The following CENATAC variants were observed in gnomAD, a reference collection of about 807,000 sequenced individuals.
CENATAC encodes centrosomal AT-AC splicing factor, also known as coiled-coil domain containing 84.
A neutral mutation model predicts 53.7 loss-of-function variants in CENATAC; 53 were observed. The observed-to-expected ratio is 0.99, with a 90% CI of 0.79 to 1.24. The LOEUF is 1.24. Ranked by LOEUF, CENATAC falls within the 50% of genes most tolerant of loss-of-function variation. The probability of loss-of-function intolerance (pLI) is 0.00; values close to 1 mark genes in which losing one functional copy is unlikely to be tolerated. For missense variants in CENATAC, 474 were observed against 417.8 expected, an observed-to-expected ratio of 1.13 and a Z score of -1.17; for synonymous variants, 156 against 144.6, an observed-to-expected ratio of 1.08 and a Z score of -0.57.
At chr11:119,007,067 C>T (rs949539223) in intron 3 of CENATAC, among the ~76,000 whole-genome samples, 4 of 152,208 alleles carry the variant, frequency 2.6e-5, no homozygotes, top group Non-Finnish European at 4.4e-5. Flanking sequence ...GACTAAGACA[C>T]CCTGTCAACA....
chr11:119,003,067 C>T (rs375395661), intron 3 of CENATAC: 11 of 526,672 alleles, frequency 2.1e-5, no homozygotes, highest in Admixed American at 5.8e-5. Flanking sequence ...AGGAGCCAGT[C>T]GAACATGTTC....
chr11:119,013,660 T>C (rs11821562), intron 8 of CENATAC, among the ~76,000 whole-genome samples: 40,518 of 151,598 alleles, frequency 0.27, 5,702 homozygotes, highest in African/African-American at 0.33. Context: ...AGACGGGGTT[T>C]CACCGTTTTA....
rs782664366 is a variant in CENATAC, at chr11:119,002,224, C to CAA, written c.383+3138_383+3139dup. On this transcript the variant is annotated intron_variant, in intron 3 of 10. Coordinates refer to ENST00000334418, the MANE Select transcript of CENATAC (RefSeq NM_198489.3). ...GGGCAACAAGAGCAAAACTCTGTCT[C>CAA]AAAAAAAAAAAAAAAAAAAAAAAAG... Among the ~76,000 whole-genome samples, 427 of 48,062 alleles carry CAA rather than the reference C, an allele frequency of 8.9e-3. 4 individuals are homozygous for CAA. Among genetic ancestry groups the CAA allele is most frequent in the Non-Finnish European group, 0.011 (269 of 25,060 alleles). 31.5% of individuals were successfully genotyped at this position (48,062 alleles called of 152,430 possible). A position where few individuals can be genotyped will look rare whatever the true frequency, so the allele number is the denominator to read the frequency against.
Position 119,011,948 on chromosome 11 carries a change from G to A in CENATAC, c.523G>A (p.Val175Met). Residue 175 changes from valine to methionine, a missense_variant, in exon 6 of 11, where the codon GTG becomes ATG. Coordinates refer to ENST00000334418, the MANE Select transcript of CENATAC (RefSeq NM_198489.3). ...CCTGAATCAAACTCAGCCTCAGGCA[G>A]TGCCAGACCCAGAAGAGGGCTCTTC... Reference protein sequence around the residue: ...VVRSVLEPQAVPDPEEGSSAP... With the variant: ...VVRSVLEPQAMPDPEEGSSAP... The A allele has an allele frequency of 6.2e-7, 1 of 1,614,092 alleles. No individual in the cohort carries two copies. Among genetic ancestry groups the A allele is most frequent in the Non-Finnish European group, 8.5e-7 (1 of 1,179,978 alleles).
intron 8 of CENATAC, 62 bp from the exon 9 acceptor site, chr11:119,014,932 A>T: frequency 9.0e-7 from 1 of 1,114,808 alleles, no homozygotes; most frequent in Non-Finnish European, 1.3e-6. Flanking sequence ...AACAGCTAGG[A>T]CATGTTTCAC....
chr11:119,013,087 A>C (rs1942950033), intron 7 of CENATAC, 145 bp from the exon 8 acceptor site: 1 of 616,578 alleles, frequency 1.6e-6, no homozygotes, highest in African/African-American at 1.9e-5. Context: ...TCAAAGTTTA[A>C]CATCAGCTGG....
rs782193641 is a variant in CENATAC at position 119,011,957 on chromosome 11, C to A, written c.532C>A (p.Pro178Thr). 6.2e-7 allele frequency: 1 copy of A among 1,614,042 alleles called. No homozygotes were observed. Among genetic ancestry groups the A allele is most frequent in the Admixed American group, 1.7e-5 (1 of 60,000 alleles). Residue 178 changes from proline to threonine, a missense_variant, in exon 6 of 11, where the codon CCA becomes ACA. Transcript: ENST00000334418. ...SVLEPQAVPD[P>T]EEGSSAPRSW... ...AACTCAGCCTCAGGCAGTGCCAGAC[C>A]CAGAAGAGGGCTCTTCAGCACCTAG...
intron 3 of CENATAC, among the ~76,000 whole-genome samples, chr11:119,007,194 C>CT (rs932892431): frequency 1.2e-4 from 18 of 151,948 alleles, no homozygotes; most frequent in Middle Eastern, 3.4e-3. Context: ...CTTTTCGTTT[C>CT]TTTTTTTTGG....
In CENATAC at chr11:118,999,105, G is replaced by T; in HGVS notation, c.379G>T (p.Ala127Ser). The stretch of plus-strand genomic sequence containing the variant: ...GTTTCTGGTCACTCCCCAGGATTAT[G>T]CGCGGTGAGTCACTGGTATGGAACG... ...EKFLVTPQDY[A>S]RFKKSMVKGL... The change falls in exon 3 of 11, where the codon GCG becomes TCG. Residue 127 changes from alanine to serine, a missense_variant. By Grantham distance (99) the Ala-to-Ser change is moderately conservative. Transcript: ENST00000334418. 6.2e-7 allele frequency: 1 copy of T among 1,610,000 alleles called. No homozygotes were observed. Among genetic ancestry groups the T allele is most frequent in the Non-Finnish European group, 8.5e-7 (1 of 1,176,262 alleles).
At position 118,999,212 on chromosome 11, in the gene CENATAC, C is replaced by G. The variant is rs1017278228; in HGVS notation, c.383+103C>G. 7.4e-6 allele frequency: 6 copies of G among 808,402 alleles called. No individual in the cohort carries two copies. The South Asian group carries it at 9.1e-5, about 12-fold the overall frequency. The allele number at this position is 808,402 out of a possible 1,614,324, so 50.1% of individuals were successfully genotyped here. On this transcript the variant is annotated intron_variant, in intron 3 of 10. Transcript: ENST00000334418. ...AACTGGAAAGTTCAGGAGGGACTTA[C>G]GAAGAATCTGCTGTCTTCATAGCAC... is the stretch of plus-strand genomic sequence containing the variant.
chr11:118,999,261 G>T (rs1298744360), intron 3 of CENATAC, 152 bp downstream of exon 3: 5 of 588,466 alleles, frequency 8.5e-6, no homozygotes, highest in Non-Finnish European at 6.1e-6. Context: ...TACTATATTG[G>T]ACACAAAAAT....
At chr11:119,008,569 G>A (rs976360286) in intron 3 of CENATAC, among the ~76,000 whole-genome samples, 1 of 152,162 alleles carries the variant, frequency 6.6e-6, no homozygotes, top group Non-Finnish European at 1.5e-5. Flanking sequence ...GTACAATCGG[G>A]TTTTAAGCCG....
intron 6 of CENATAC, 36 bp downstream of exon 6, chr11:119,012,039 A>T: frequency 6.2e-7 from 1 of 1,613,578 alleles, no homozygotes; most frequent in Non-Finnish European, 8.5e-7. Context: ...TGGGAATTTG[A>T]CATCTTAGAA....
At chr11:119,005,115 A>T (rs1244782125) in intron 3 of CENATAC, among the ~76,000 whole-genome samples, 1 of 152,072 alleles carries the variant, frequency 6.6e-6, no homozygotes, top group African/African-American at 2.4e-5. Context: ...CAGGGTGAAA[A>T]GAAGAAAACA....
In CENATAC at chr11:119,015,754, T is replaced by C; in HGVS notation, c.*156T>C. On this transcript the variant is annotated 3_prime_UTR_variant, in exon 11 of 11. Coordinates refer to ENST00000334418, the MANE Select transcript of CENATAC (RefSeq NM_198489.3). ...TTATTTTTCCAAATGTACAGCTGGT[T>C]GGACCTGTAAAAAAAAATTAAAAGA... 2 of 1,257,748 alleles carry C rather than the reference T, an allele frequency of 1.6e-6. No individual in the cohort carries two copies. The highest frequency in any genetic ancestry group is 2.5e-5 in the South Asian group (2 of 79,602). The allele number at this position is 1,257,748 out of a possible 1,614,324, so 77.9% of individuals were successfully genotyped here.
intron 3 of CENATAC, among the ~76,000 whole-genome samples, chr11:119,008,510 C>T (rs546801104): frequency 1.2e-4 from 18 of 152,320 alleles, no homozygotes; most frequent in African/African-American, 4.1e-4. Context: ...AAACATGTCT[C>T]GCCTCCCGCC....
chr11:119,002,952 A>ATT, intron 3 of CENATAC: 13 of 386,020 alleles, frequency 3.4e-5, no homozygotes, highest in East Asian at 6.6e-5. Context: ...TGCCTTGATA[A>ATT]TTTTTTTTTT....
rs1942131225 is a variant in CENATAC, at chr11:118,998,599, A to G, written c.284+6A>G. 2.6e-6 allele frequency: 4 copies of G among 1,556,544 alleles called. No homozygotes were observed. ...CTGCTGGAGCATCTGGCCAGGTGAG[A>G]GCCGAGCTAGGAGCCTGCTCCAGCA... On this transcript the variant is annotated splice_donor_region_variant and intron_variant, in intron 2 of 10. Coordinates refer to ENST00000334418, the MANE Select transcript of CENATAC (RefSeq NM_198489.3).
chr11:119,013,178 TTTTAA>T, intron 7 of CENATAC, 49 bp from the exon 8 acceptor site: 1 of 1,404,192 alleles, frequency 7.1e-7, no homozygotes, highest in Non-Finnish European at 9.8e-7. Context: ...GGATTTTTTT[TTTTAA>T]TCATGCCTAG....
Sources: allele counts gnomAD v4.1 joint callset (sites outside exome capture counted in the v4.1 genomes callset), GRCh38; gene constraint gnomAD v4.1.1; transcripts MANE v1.5; gene names NCBI Gene and HGNC (gene_info 2026-07-23, HGNC 2026-07-21).